Variants in PSMA1 observed in about 807,000 individuals in gnomAD.
The protein encoded by PSMA1 is proteasome subunit alpha type-1.
A neutral mutation model predicts 38.4 loss-of-function variants in PSMA1; 3 were observed. The observed-to-expected ratio is 0.08, with a 90% CI of 0.04 to 0.20. PSMA1 has a LOEUF of 0.20. PSMA1 is among the 10% of genes least tolerant of loss of function. PSMA1 has a pLI of 1.00. For missense variants in PSMA1, 227 were observed against 325.3 expected (o/e 0.70, Z 2.32); for synonymous variants, 101 against 107.1 (o/e 0.94, Z 0.35).
intron 9 of PSMA1, among the ~76,000 whole-genome samples, chr11:14,506,500 AT>A (rs1851247327): frequency 6.6e-6 from 1 of 152,092 alleles, no homozygotes; most frequent in African/African-American, 2.4e-5. Context: ...TCCATACTAG[AT>A]TCTTTTTTAC....
intron 2 of PSMA1, among the ~76,000 whole-genome samples, chr11:14,560,893 A>G (rs1852000259): frequency 6.6e-6 from 1 of 152,210 alleles, no homozygotes; most frequent in South Asian, 2.1e-4. Context: ...GAACAGTGGA[A>G]TAATTTTGGT....
At chr11:14,591,597 T>C (rs1052754685) in intron 2 of PSMA1, among the ~76,000 whole-genome samples, 6 of 152,184 alleles carry the variant, frequency 3.9e-5, no homozygotes, top group Non-Finnish European at 7.4e-5. Context: ...ATCAGCACCC[T>C]GTGTCTAGCT....
At chr11:14,517,521 A>T in intron 4 of PSMA1, 121 bp downstream of exon 4, 2 of 824,314 alleles carry the variant, frequency 2.4e-6, no homozygotes, top group Non-Finnish European at 3.7e-6. Flanking sequence ...CAAGGTATTC[A>T]TAATCTTAAT....
chr11:14,571,764 G>A (rs371533844), intron 2 of PSMA1, among the ~76,000 whole-genome samples: 1 of 151,592 alleles, frequency 6.6e-6, no homozygotes, highest in African/African-American at 2.4e-5. Flanking sequence ...GTATTCAGGA[G>A]ACCTATCTCA....
intron 2 of PSMA1, among the ~76,000 whole-genome samples, chr11:14,527,440 C>T (rs1463948047): frequency 6.6e-6 from 1 of 152,176 alleles, no homozygotes; most frequent in Non-Finnish European, 1.5e-5. Flanking sequence ...TTGCAAGCTG[C>T]TAGCCTGCCT....
At chr11:14,546,113 T>C (rs908657947) in intron 2 of PSMA1, among the ~76,000 whole-genome samples, 10 of 151,984 alleles carry the variant, frequency 6.6e-5, no homozygotes, top group African/African-American at 1.4e-4. Flanking sequence ...TCTAAGTCTC[T>C]TGTTACCTAA....
At chr11:14,579,350 T>G (rs1852255397) in intron 2 of PSMA1, among the ~76,000 whole-genome samples, 1 of 152,160 alleles carries the variant, frequency 6.6e-6, no homozygotes, top group Admixed American at 6.5e-5. Context: ...GATCTCTACC[T>G]TCATCTTCAT....
chr11:14,613,442 C>T (rs990938819), intron 1 of PSMA1, among the ~76,000 whole-genome samples: 1 of 151,718 alleles, frequency 6.6e-6, no homozygotes, highest in Non-Finnish European at 1.5e-5. Flanking sequence ...TTAGTAGAGA[C>T]GGGGTTTCAC....
At chr11:14,629,068 C>A (rs1852961604) in intron 1 of PSMA1, among the ~76,000 whole-genome samples, 1 of 151,594 alleles carries the variant, frequency 6.6e-6, no homozygotes, top group Non-Finnish European at 1.5e-5. Context: ...TGGATATTAG[C>A]CCTTTGTCAG....
intron 2 of PSMA1, among the ~76,000 whole-genome samples, chr11:14,596,342 C>T (rs932385709): frequency 7.2e-5 from 11 of 152,198 alleles, no homozygotes; most frequent in Admixed American, 3.3e-4. Flanking sequence ...GGCATTATGG[C>T]CATTTTCATG....
chr11:14,521,514 G>T (rs1252233710), upstream of PSMA1, among the ~76,000 whole-genome samples: 1 of 150,518 alleles, frequency 6.6e-6, no homozygotes, highest in Non-Finnish European at 1.5e-5. Flanking sequence ...AGCCGGGCGC[G>T]GTGGCTCACG....
At chr11:14,617,513 T>C (rs960506276) in intron 1 of PSMA1, among the ~76,000 whole-genome samples, 7 of 152,114 alleles carry the variant, frequency 4.6e-5, no homozygotes, top group African/African-American at 1.7e-4. Context: ...AAAGAGTGAA[T>C]AGACATTTCT....
At chr11:14,627,803 C>T (rs768824903) in intron 1 of PSMA1, among the ~76,000 whole-genome samples, 3 of 152,142 alleles carry the variant, frequency 2.0e-5, no homozygotes, top group South Asian at 2.1e-4. Context: ...CATTTTTATG[C>T]CTTTTTTCTT....
intron 2 of PSMA1, among the ~76,000 whole-genome samples, chr11:14,606,105 G>C (rs1032191758): frequency 5.3e-5 from 8 of 152,250 alleles, no homozygotes; most frequent in Non-Finnish European, 1.5e-5. Context: ...TGGCTAGCCA[G>C]CTATCTCAGC....
rs139621050 is a variant in PSMA1, at chr11:14,560,397, C to A, written c.22-41356G>T. ...TACTCATTGTGTTCCTGTTCTACAA[C>A]CCATTTTAGCTTCACTCACCCTCAG... On this transcript the variant is annotated intron_variant, in intron 2 of 10. Transcript: ENST00000418988. 3.1e-3 allele frequency among the ~76,000 whole-genome samples: 476 copies of A among 152,262 alleles called. 2 individuals carry two copies. The highest frequency in any genetic ancestry group is 0.014 in the Admixed American group (212 of 15,284).
chr11:14,592,409 G>A (rs911793358), intron 2 of PSMA1, among the ~76,000 whole-genome samples: 1 of 144,898 alleles, frequency 6.9e-6, no homozygotes, highest in African/African-American at 2.5e-5. Context: ...TTTTTTAGAT[G>A]GAGTCTCGCT....
Position 14,514,458 on chromosome 11 carries a change from T to G in PSMA1, c.288A>C (p.Arg96Ser). ...NFMRQECLDS[R>S]FVFDRPLPVS... ...CAGGCAGTGGTCTATCGAATACAAATCTGGAATCCAAACACTCCTGACGCA... is the reference window on the plus strand; with the variant it reads ...CAGGCAGTGGTCTATCGAATACAAAGCTGGAATCCAAACACTCCTGACGCA... The change falls in exon 5 of 10, where the codon AGA (arginine) becomes AGC (serine). Residue 96 changes from arginine (R) to serine (S), a missense_variant. Physicochemically the swap from Arg to Ser is moderately radical, Grantham distance 110 (BLOSUM62 -1). Coordinates refer to ENST00000396394, the MANE Select transcript of PSMA1 (RefSeq NM_002786.4). The G allele has an allele frequency of 2.5e-6, 4 of 1,603,690 alleles. No homozygotes were observed. Among genetic ancestry groups the G allele is most frequent in the Non-Finnish European group, 3.4e-6 (4 of 1,176,116 alleles).
intron 1 of PSMA1, among the ~76,000 whole-genome samples, chr11:14,620,477 C>T (rs1414539231): frequency 1.3e-5 from 2 of 152,178 alleles, no homozygotes; most frequent in African/African-American, 2.4e-5. Context: ...ACTGTTTATA[C>T]TTGGGAATTA....
At chr11:14,583,086 A>G (rs1468454839) in intron 2 of PSMA1, among the ~76,000 whole-genome samples, 1 of 152,220 alleles carries the variant, frequency 6.6e-6, no homozygotes, top group African/African-American at 2.4e-5. Context: ...CAACAAACTT[A>G]CAGGGACCAT....
Sources: allele counts gnomAD v4.1 joint callset (sites outside exome capture counted in the v4.1 genomes callset), GRCh38; gene constraint gnomAD v4.1.1; transcripts MANE v1.5; gene names NCBI Gene and HGNC (gene_info 2026-07-23, HGNC 2026-07-21).